The following ABLIM1 variants were observed in gnomAD, a reference collection of about 807,000 sequenced individuals.
ABLIM1 encodes the protein actin binding LIM protein 1.
A neutral mutation model predicts 107.0 loss-of-function variants in ABLIM1; 40 were observed. The ratio of observed to expected loss-of-function variants is 0.37; its 90% CI spans 0.29 to 0.49. The LOEUF is 0.49. Among genes scored for constraint, ABLIM1 ranks in the 20% least tolerant of loss-of-function variants. The pLI is 0.97. For missense variants in ABLIM1, 857 were observed against 1,008.5 expected, an observed-to-expected ratio of 0.85 and a Z score of 2.04; for synonymous variants, 357 against 357.3, an observed-to-expected ratio of 1.00 and a Z score of 0.01.
chr10:114,719,051 G>A (rs970624713), intron 1 of ABLIM1, among the ~76,000 whole-genome samples: 9 of 152,026 alleles, frequency 5.9e-5, no homozygotes, highest in African/African-American at 2.2e-4. Flanking sequence ...ATGACCAACC[G>A]TCATAGGGTA....
Position 114,575,360 on chromosome 10 carries a change from AC to A in ABLIM1, c.563+55del. 3 of 1,584,324 alleles carry A rather than the reference AC, an allele frequency of 1.9e-6. No homozygotes were observed. In the South Asian group the frequency reaches 3.5e-5, roughly 19 times the overall value. On this transcript the variant is annotated intron_variant, in intron 3 of 22. Transcript: ENST00000533213. ...TATAATCCAACCTTTAACAGCCCAA[AC>A]CAGCATTTCTCTGTTGGAGGAAGGT...
At chr10:114,787,420 C>CT in the ABLIM1 span, among the ~76,000 whole-genome samples, 3 of 148,716 alleles carry the variant, frequency 2.0e-5, no homozygotes, top group Non-Finnish European at 1.5e-5. Context: ...GTCAGCCCCC[C>CT]GCCCGGCCAG....
At chr10:114,673,450 C>T (rs964223417) in intron 1 of ABLIM1, among the ~76,000 whole-genome samples, 1 of 152,158 alleles carries the variant, frequency 6.6e-6, no homozygotes, top group African/African-American at 2.4e-5. Context: ...ATGTCTTCAT[C>T]CTCATCTCTG....
intron 4 of ABLIM1, among the ~76,000 whole-genome samples, chr10:114,565,509 AGGAAGTGGAGGATGG>A (rs1158530186): frequency 1.3e-5 from 2 of 152,172 alleles, no homozygotes; most frequent in Non-Finnish European, 2.9e-5. Flanking sequence ...TTCACAGATG[AGGAAGTGGAGGATGG>A]GGAAGTAAAG....
At chr10:114,768,995 T>G (rs1437976749), upstream of ABLIM1, among the ~76,000 whole-genome samples, 1 of 151,734 alleles carries the variant, frequency 6.6e-6, no homozygotes, top group African/African-American at 2.4e-5. Context: ...AAGGTGGGAT[T>G]CCACTCTCAC....
At chr10:114,708,976 C>A (rs1365629382) in intron 1 of ABLIM1, among the ~76,000 whole-genome samples, 2 of 152,250 alleles carry the variant, frequency 1.3e-5, no homozygotes, top group Admixed American at 6.5e-5. Context: ...GGTATTGGTA[C>A]TTTTCGAGAA....
chr10:114,530,072 T>C (rs567564602), intron 6 of ABLIM1, among the ~76,000 whole-genome samples: 1 of 152,120 alleles, frequency 6.6e-6, no homozygotes, highest in Non-Finnish European at 1.5e-5. Context: ...GGCAGAGGGA[T>C]GTGTTTGAAG....
intron 6 of ABLIM1, among the ~76,000 whole-genome samples, chr10:114,530,901 T>C (rs1004642533): frequency 4.0e-4 from 61 of 152,328 alleles, no homozygotes; most frequent in Non-Finnish European, 8.8e-5. Flanking sequence ...TTTAACATTT[T>C]TGGTTAAAGG....
Position 114,747,319 on chromosome 10 carries a change from C to T in ABLIM1, c.-213+20742G>A, listed in dbSNP as rs367740774. Among the ~76,000 whole-genome samples, 50 of 152,286 alleles carry T rather than the reference C, an allele frequency of 3.3e-4. 3 individuals carry two copies. The South Asian group carries it at 8.9e-3, about 27-fold the overall frequency. On this transcript the variant is annotated intron_variant, in intron 1 of 15. Transcript: ENST00000651092. ...AATCTGGAGGCAGCTCCACAGACCA[C>T]GGGGACATGGAAGCTTTCTGCATGG...
chr10:114,451,866 T>C (rs1438455436), intron 13 of ABLIM1, among the ~76,000 whole-genome samples, 195 bp from the exon 14 acceptor site: 1 of 152,228 alleles, frequency 6.6e-6, no homozygotes, highest in African/African-American at 2.4e-5. Flanking sequence ...ACAAGTGTTA[T>C]GGAAGCCTTT....
At chr10:114,489,523 C>G (rs546379093) in intron 7 of ABLIM1, among the ~76,000 whole-genome samples, 1 of 152,076 alleles carries the variant, frequency 6.6e-6, no homozygotes, top group Non-Finnish European at 1.5e-5. Context: ...AATAAACAAA[C>G]AAAAAATTCA....
chr10:114,637,842 A>C lies in ABLIM1; in HGVS notation c.244+20115T>G, dbSNP rs559003029. ...CACAAGTACAAAAATAGTTCTCTGA[A>C]TTATTTGGGAAAAGGCCATTTTTAA... is the stretch of plus-strand genomic sequence containing the variant. On this transcript the variant is annotated intron_variant, in intron 1 of 22. Transcript: ENST00000533213. 3.5e-4 allele frequency among the ~76,000 whole-genome samples: 53 copies of C among 152,352 alleles called. 1 individual carries two copies. In the South Asian group the frequency reaches 0.01, roughly 30 times the overall value.
rs2058953387 is a variant in ABLIM1 at position 114,432,423 on chromosome 10, C to T, written c.*3837G>A. 1 of 152,200 alleles carries T rather than the reference C, an allele frequency of 6.6e-6. No individual in the cohort carries two copies. Among genetic ancestry groups the T allele is most frequent in the African/African-American group, 2.4e-5 (1 of 41,452 alleles). 9.4% of individuals were successfully genotyped at this position (152,200 alleles called of 1,614,324 possible). ...GGAGCGGTCACCTGTCTCTTCCATA[C>T]ACAGGAGGATGCTAAGACCCAGTTA... On this transcript the variant is annotated 3_prime_UTR_variant, in exon 23 of 23. Coordinates refer to ENST00000533213, the MANE Select transcript of ABLIM1 (RefSeq NM_002313.7).
At chr10:114,573,750 G>A (rs1272733015) in intron 3 of ABLIM1, among the ~76,000 whole-genome samples, 1 of 152,176 alleles carries the variant, frequency 6.6e-6, no homozygotes, top group Non-Finnish European at 1.5e-5. Context: ...CTCGCATCTA[G>A]TTCACAGCTT....
intron 12 of ABLIM1, among the ~76,000 whole-genome samples, chr10:114,459,732 G>T (rs7899351): frequency 0.2 from 29,939 of 152,074 alleles, 3,460 homozygotes; most frequent in African/African-American, 0.33. Context: ...TATTTCATAT[G>T]AACAAACTAT....
chr10:114,465,668 T>C (rs748212962), intron 12 of ABLIM1, 30 bp downstream of exon 12: 3 of 1,612,356 alleles, frequency 1.9e-6, no homozygotes, highest in Non-Finnish European at 2.5e-6. Flanking sequence ...GTTTGTTATA[T>C]AGAGTGAATC....
At chr10:114,545,196 G>A in intron 5 of ABLIM1, 98 bp from the exon 6 acceptor site, 6 of 1,107,248 alleles carry the variant, frequency 5.4e-6, no homozygotes, top group Non-Finnish European at 6.9e-6. Flanking sequence ...CAGAAGGGCA[G>A]GACATATTTC....
Position 114,491,842 on chromosome 10 carries a change from A to T in ABLIM1, c.931T>A (p.Cys311Ser). 5 of 1,612,456 alleles carry T rather than the reference A, an allele frequency of 3.1e-6. No homozygotes were observed. Among genetic ancestry groups the T allele is most frequent in the Non-Finnish European group, 3.4e-6 (4 of 1,178,660 alleles). Residue 311 changes from cysteine to serine, a missense_variant, in exon 7 of 23, where the codon TGC (cysteine) becomes AGC (serine). Physicochemically the swap from Cys to Ser is moderately radical, Grantham distance 112 (BLOSUM62 -1). Transcript: ENST00000533213. ...DKHYHPSCAR[C>S]SRCNQMFTEG... ...GTGAACATCTGGTTGCATCTGCTGC[A>T]TCGTGCACAGCTGGGGTGGTAATGT...
intron 2 of ABLIM1, among the ~76,000 whole-genome samples, chr10:114,582,102 T>C (rs575985760): frequency 1.6e-4 from 25 of 152,298 alleles, no homozygotes; most frequent in African/African-American, 5.8e-4. Context: ...GATATGATTC[T>C]ATACCTGGAA....
Sources: allele counts gnomAD v4.1 joint callset (sites outside exome capture counted in the v4.1 genomes callset), GRCh38; gene constraint gnomAD v4.1.1; transcripts MANE v1.5; gene names NCBI Gene and HGNC (gene_info 2026-07-23, HGNC 2026-07-21).